The following TRIM26 variants were observed in gnomAD, a reference collection of about 807,000 sequenced individuals.
TRIM26 encodes tripartite motif-containing protein 26.
A neutral mutation model predicts 45.5 loss-of-function variants in TRIM26; 16 were observed. The observed-to-expected ratio is 0.35, with a 90% CI of 0.24 to 0.53. The LOEUF is 0.53. Among genes scored for constraint, TRIM26 ranks in the 20% least tolerant of loss-of-function variants. TRIM26 has a pLI of 0.92. For synonymous variants in TRIM26, 273 were observed against 290.4 expected (o/e 0.94, Z 0.61); for missense variants, 442 against 691.1 (o/e 0.64, Z 4.04).
At chr6:30,211,896 CAAT>C (rs1466394631) in intron 1 of TRIM26, among the ~76,000 whole-genome samples, 1 of 152,112 alleles carries the variant, frequency 6.6e-6, no homozygotes, top group Non-Finnish European at 1.5e-5. Flanking sequence ...TAACTGCAAA[CAAT>C]AATATGTAGA....
chr6:30,203,798 CTT>C (rs35154638), intron 2 of TRIM26, among the ~76,000 whole-genome samples: 16 of 144,404 alleles, frequency 1.1e-4, no homozygotes, highest in Admixed American at 2.7e-4. Context: ...TGGTTCCTTT[CTT>C]TTTTTTTTTT....
chr6:30,210,410 T>A (rs917747096), intron 1 of TRIM26, among the ~76,000 whole-genome samples: 1 of 152,200 alleles, frequency 6.6e-6, no homozygotes, highest in Admixed American at 6.5e-5. Context: ...CAGCGCATCC[T>A]TGAAGGCTTG....
intron 9 of TRIM26, among the ~76,000 whole-genome samples, chr6:30,187,926 A>G (rs1775365853): frequency 7.2e-6 from 1 of 139,852 alleles, no homozygotes; most frequent in African/African-American, 2.9e-5. Context: ...TCAAAAAAAA[A>G]AAAAAAAAAA....
At position 30,196,888 on chromosome 6, in the gene TRIM26, G is replaced by T; in HGVS notation, c.535-142C>A. On this transcript the variant is annotated intron_variant, in intron 5 of 9. Transcript: ENST00000454678. The surrounding 1 kb of genome is among the most constrained non-coding windows in gnomAD (Gnocchi z 4.9). ...AGGATCTGGAGTGGGAGGAGCTACA[G>T]AGGGTTCCTGGTCCACACTCCGCTT... is the stretch of plus-strand genomic sequence containing the variant. 1.3e-6 allele frequency: 1 copy of T among 754,890 alleles called. No individual in the cohort carries two copies. The highest frequency in any genetic ancestry group is 1.8e-5 in the South Asian group (1 of 55,778). 46.8% of individuals were successfully genotyped at this position (754,890 alleles called of 1,614,324 possible). A position where few individuals can be genotyped will look rare whatever the true frequency, so the allele number is the denominator to read the frequency against.
chr6:30,203,817 C>T (rs1328392572), intron 2 of TRIM26, among the ~76,000 whole-genome samples: 1 of 143,478 alleles, frequency 7.0e-6, no homozygotes, highest in African/African-American at 2.7e-5. Context: ...TTTTTTGAGA[C>T]AGGGTCTTAC....
rs576872180 is a variant in TRIM26, at chr6:30,209,445, G to A, written c.-376+3860C>T. Among the ~76,000 whole-genome samples the A allele has an allele frequency of 3.9e-5, 6 of 152,276 alleles. No homozygotes were observed. The highest frequency in any genetic ancestry group is 5.9e-5 in the Non-Finnish European group (4 of 68,022). On this transcript the variant is annotated intron_variant, in intron 1 of 9. Coordinates refer to ENST00000454678, the MANE Select transcript of TRIM26 (RefSeq NM_003449.5). This position sits in a 1 kb window ranked among gnomAD's most constrained non-coding sequence, Gnocchi z 4.8. ...TATTAAGAGGTGGGGTCTTTAAGACGTGACTGGGTCATGAGGGTGTAACTC... is the reference window on the plus strand; with the variant it reads ...TATTAAGAGGTGGGGTCTTTAAGACATGACTGGGTCATGAGGGTGTAACTC...
Position 30,196,350 on chromosome 6 carries a change from T to C in TRIM26, c.765+166A>G, listed in dbSNP as rs1776458528. On this transcript the variant is annotated intron_variant, in intron 6 of 9. Coordinates refer to ENST00000454678, the MANE Select transcript of TRIM26 (RefSeq NM_003449.5). This position sits in a 1 kb window ranked among gnomAD's most constrained non-coding sequence, Gnocchi z 4.9. ...TGACAGCATGCCAGTTATTTCATTT[T>C]ATGCTCATGCAATCTACAGACTAAT... Among the ~76,000 whole-genome samples the C allele has an allele frequency of 2.6e-5, 4 of 152,276 alleles. No individual in the cohort carries two copies. The highest frequency in any genetic ancestry group is 9.6e-5 in the African/African-American group (4 of 41,482).
rs1242162384 is a variant in TRIM26, at chr6:30,186,473, G to A, written c.1023C>T (p.Tyr341=). Residue 341 remains tyrosine, a synonymous_variant, in exon 10 of 10, where the codon TAC becomes TAT. Transcript: ENST00000454678. The surrounding 1 kb of genome is among the most constrained non-coding windows in gnomAD (Gnocchi z 7.4). ...GCTGGGGGTGCAGGTAGGCACTCTT[G>A]TACAGGCTGGTGTAGGTCACGCACT... is the stretch of plus-strand genomic sequence containing the variant. The part of the protein sequence containing the change: ...DWKCVTYTSL[Y]KSAYLHPQQF... 1 of 1,577,188 alleles carries A rather than the reference G, an allele frequency of 6.3e-7. No individual in the cohort carries two copies. Among genetic ancestry groups the A allele is most frequent in the African/African-American group, 1.3e-5 (1 of 74,138 alleles).
Position 30,187,506 on chromosome 6 carries a change from G to T in TRIM26, c.938-948C>A, listed in dbSNP as rs900560100. 9.5e-6 allele frequency: 5 copies of T among 524,598 alleles called. No individual in the cohort carries two copies. The Admixed American group carries it at 9.9e-5, about 10-fold the overall frequency. The allele number at this position is 524,598 out of a possible 1,614,324, so 32.5% of individuals were successfully genotyped here. A position where few individuals can be genotyped will look rare whatever the true frequency, so the allele number is the denominator to read the frequency against. On this transcript the variant is annotated intron_variant, in intron 9 of 9. Coordinates refer to ENST00000454678, the MANE Select transcript of TRIM26 (RefSeq NM_003449.5). ...TGGAGTAACTTCATCCCCTTTTGCA[G>T]CTTGATCTTTAATGTCATATTCAGT...
chr6:30,187,156 T>C, intron 9 of TRIM26: 1 of 284,554 alleles, frequency 3.5e-6, no homozygotes, highest in South Asian at 3.7e-5. Flanking sequence ...ACTGGGGTTC[T>C]ACAAGCTTCA....
At position 30,209,934 on chromosome 6, in the gene TRIM26, C is replaced by T. The variant is rs1778107883; in HGVS notation, c.-376+3371G>A. Among the ~76,000 whole-genome samples, 1 of 151,952 alleles carries T rather than the reference C, an allele frequency of 6.6e-6. No individual in the cohort carries two copies. The highest frequency in any genetic ancestry group is 2.1e-4 in the South Asian group (1 of 4,828). On this transcript the variant is annotated intron_variant, in intron 1 of 9. Transcript: ENST00000454678. The surrounding 1 kb of genome is among the most constrained non-coding windows in gnomAD (Gnocchi z 4.8). ...TCAAAACTGCACAGGTGGCCGGGCA[C>T]GGTGCCTCACGCCTGTAATCCCAGC... is the stretch of plus-strand genomic sequence containing the variant.
chr6:30,188,468 A>G, intron 9 of TRIM26: 1 of 273,922 alleles, frequency 3.7e-6, no homozygotes. Context: ...CCTGATAGGT[A>G]AAATTTGACG....
chr6:30,197,368 A>G (rs1258005219), intron 5 of TRIM26, among the ~76,000 whole-genome samples: 1 of 152,030 alleles, frequency 6.6e-6, no homozygotes, highest in Non-Finnish European at 1.5e-5. Flanking sequence ...ATGCACACTG[A>G]GGGCCTGGAG....
chr6:30,204,464 C>CA (rs1436801379), intron 2 of TRIM26, among the ~76,000 whole-genome samples, 192 bp downstream of exon 2: 1 of 152,172 alleles, frequency 6.6e-6, no homozygotes, highest in Non-Finnish European at 1.5e-5. Context: ...ATGGGGTGAG[C>CA]AATAAAGTGT....
In TRIM26 at chr6:30,189,847, G is replaced by T; in HGVS notation, c.788+166C>A. ...CCATAAGGAGGAGAGCAAGTCTCCA[G>T]TTCTCAATGATGTGTCCTGCTCCTC... On this transcript the variant is annotated intron_variant, in intron 7 of 9. Coordinates refer to ENST00000454678, the MANE Select transcript of TRIM26 (RefSeq NM_003449.5). This position sits in a 1 kb window ranked among gnomAD's most constrained non-coding sequence, Gnocchi z 5.0. The T allele has an allele frequency of 1.3e-6, 1 of 790,982 alleles. No homozygotes were observed. The highest frequency in any genetic ancestry group is 2.1e-6 in the Non-Finnish European group (1 of 486,860). The allele number at this position is 790,982 out of a possible 1,614,324, so 49.0% of individuals were successfully genotyped here. A position where few individuals can be genotyped will look rare whatever the true frequency, so the allele number is the denominator to read the frequency against.
intron 1 of TRIM26, among the ~76,000 whole-genome samples, chr6:30,206,888 C>T (rs1777781585): frequency 1.3e-5 from 2 of 152,246 alleles, no homozygotes; most frequent in African/African-American, 2.4e-5. Flanking sequence ...CTCATTTGCC[C>T]AGCAGCAGAG....
At position 30,199,062 on chromosome 6, in the gene TRIM26, C is replaced by T; in HGVS notation, c.42G>A (p.Val14=). 1.3e-6 allele frequency: 2 copies of T among 1,591,864 alleles called. No homozygotes were observed. The highest frequency in any genetic ancestry group is 1.1e-5 in the South Asian group (1 of 88,754). Residue 14 remains valine, a synonymous_variant, in exon 4 of 10, where the codon GTG becomes GTA. Transcript: ENST00000454678. ...GGTAATCAAGACAGATGGAGCAGGT[C>T]ACCTCCTCTTCCAGGCTCCGTAGTG... ...SAPLRSLEEE[V]TCSICLDYLR...
In TRIM26 at chr6:30,196,500, A is replaced by T. The variant is rs771846659; in HGVS notation, c.765+16T>A. ...CGTCCTGGTCCCTGGCGCCCTGCCCAGGGACGGCCTCTCACCTGCATGAGC... is the reference window on the plus strand; with the variant it reads ...CGTCCTGGTCCCTGGCGCCCTGCCCTGGGACGGCCTCTCACCTGCATGAGC... On this transcript the variant is annotated intron_variant, in intron 6 of 9. Coordinates refer to ENST00000454678, the MANE Select transcript of TRIM26 (RefSeq NM_003449.5). This position sits in a 1 kb window ranked among gnomAD's most constrained non-coding sequence, Gnocchi z 4.9. The T allele has an allele frequency of 2.5e-6, 4 of 1,602,172 alleles. No individual in the cohort carries two copies. Among genetic ancestry groups the T allele is most frequent in the Non-Finnish European group, 3.4e-6 (4 of 1,178,280 alleles).
At chr6:30,211,779 G>A (rs1321773690) in intron 1 of TRIM26, among the ~76,000 whole-genome samples, 2 of 152,156 alleles carry the variant, frequency 1.3e-5, no homozygotes, top group Non-Finnish European at 2.9e-5. Flanking sequence ...AGTAGTATTG[G>A]ATTATAAACC....
Sources: gnomAD v4.1 joint callset for allele counts (sites outside exome capture counted in the v4.1 genomes callset) on GRCh38, gnomAD v4.1.1 for gene constraint, Gnocchi (gnomAD v3.1) non-coding constraint, MANE v1.5 for transcripts, NCBI Gene and HGNC (gene_info 2026-07-23, HGNC 2026-07-21) for gene names.